The following INPP4B variants were observed in gnomAD, a reference collection of about 807,000 sequenced individuals.
The protein encoded by INPP4B is inositol polyphosphate 4-phosphatase type II.
Under a neutral mutation model 122.5 loss-of-function variants are expected in INPP4B, and 55 were observed. The ratio of observed to expected loss-of-function variants is 0.45; its 90% CI spans 0.36 to 0.56. The LOEUF is 0.56. Among genes scored for constraint, INPP4B ranks in the 20% least tolerant of loss-of-function variants. INPP4B has a pLI of 0.00. For missense variants in INPP4B, 1,000 were observed against 1,097.7 expected (o/e 0.91, Z 1.26); for synonymous variants, 403 against 388.7 (o/e 1.04, Z -0.43).
intron 2 of INPP4B, among the ~76,000 whole-genome samples, chr4:142,692,442 T>G (rs1760325504): frequency 6.6e-6 from 1 of 152,218 alleles, no homozygotes; most frequent in Non-Finnish European, 1.5e-5. Flanking sequence ...GGCTCATGCC[T>G]GTAACCCTAG....
At chr4:142,654,931 G>T (rs1753843105) in intron 2 of INPP4B, among the ~76,000 whole-genome samples, 1 of 152,052 alleles carries the variant, frequency 6.6e-6, no homozygotes, top group African/African-American at 2.4e-5. Context: ...CACCCATGGG[G>T]GATAAGATGT....
chr4:142,287,979 G>A (rs1225518468), intron 9 of INPP4B, among the ~76,000 whole-genome samples: 2 of 152,166 alleles, frequency 1.3e-5, no homozygotes, highest in East Asian at 1.9e-4. Context: ...TCACATGGGA[G>A]GGAGAGAGTA....
intron 3 of INPP4B, among the ~76,000 whole-genome samples, chr4:142,434,806 T>A (rs904445733): frequency 6.6e-6 from 1 of 152,038 alleles, no homozygotes; most frequent in Non-Finnish European, 1.5e-5. Flanking sequence ...GGGTGTCCAA[T>A]CTTTTGGCTT....
chr4:142,735,716 T>C (rs980290063), intron 1 of INPP4B, among the ~76,000 whole-genome samples: 1 of 152,198 alleles, frequency 6.6e-6, no homozygotes, highest in Non-Finnish European at 1.5e-5. Context: ...CTCTATGTCT[T>C]ATTATTAGAA....
chr4:142,753,071 T>A (rs1403064426), intron 1 of INPP4B, among the ~76,000 whole-genome samples: 1 of 152,112 alleles, frequency 6.6e-6, no homozygotes, highest in African/African-American at 2.4e-5. Flanking sequence ...TGATAAAGCC[T>A]TTATTCTGAC....
chr4:142,723,978 A>T (rs890522729), intron 2 of INPP4B, among the ~76,000 whole-genome samples: 2 of 152,058 alleles, frequency 1.3e-5, no homozygotes, highest in Non-Finnish European at 2.9e-5. Context: ...TCAATATCTC[A>T]CTTCCAACCT....
chr4:142,385,746 ATTTT>A (rs919877205), intron 7 of INPP4B, among the ~76,000 whole-genome samples: 5 of 152,018 alleles, frequency 3.3e-5, no homozygotes, highest in African/African-American at 1.2e-4. Flanking sequence ...TTACTTGTGT[ATTTT>A]TTTATTTATT....
Position 142,105,268 on chromosome 4 carries a change from G to T in INPP4B, c.2374+2825C>A, listed in dbSNP as rs567623216. On this transcript the variant is annotated intron_variant, in intron 23 of 25. Coordinates refer to ENST00000262992, the MANE Select transcript of INPP4B (RefSeq NM_001101669.3). The stretch of plus-strand genomic sequence containing the variant: ...AACTGAGATTTTAAATAGTCTAAAA[G>T]CACTAGACCATGCTAAACATATTGA... 3.7e-4 allele frequency among the ~76,000 whole-genome samples: 56 copies of T among 152,226 alleles called. 1 individual carries two copies. In the South Asian group the frequency reaches 0.012, roughly 32 times the overall value.
intron 5 of INPP4B, among the ~76,000 whole-genome samples, chr4:142,413,270 C>T (rs893920602): frequency 2.0e-5 from 3 of 151,880 alleles, no homozygotes; most frequent in Non-Finnish European, 4.4e-5. Flanking sequence ...AGACAATACG[C>T]ATATAAGGGA....
chr4:142,654,843 T>C (rs1404909930), intron 2 of INPP4B, among the ~76,000 whole-genome samples: 1 of 152,200 alleles, frequency 6.6e-6, no homozygotes, highest in East Asian at 1.9e-4. Context: ...GCAGATCCTG[T>C]CTTCAAAATA....
At chr4:142,284,365 T>C (rs181045533) in intron 9 of INPP4B, among the ~76,000 whole-genome samples, 7 of 152,216 alleles carry the variant, frequency 4.6e-5, no homozygotes, top group Admixed American at 4.6e-4. Flanking sequence ...TGAGAAGAGA[T>C]AGAATCTAAA....
intron 1 of INPP4B, among the ~76,000 whole-genome samples, chr4:142,741,679 C>T (rs1026613205): frequency 6.6e-6 from 1 of 151,824 alleles, no homozygotes; most frequent in East Asian, 1.9e-4. Flanking sequence ...GGTACAACTT[C>T]AGAGAGGGAC....
chr4:142,768,563 G>A (rs545830769), intron 1 of INPP4B, among the ~76,000 whole-genome samples: 2 of 152,296 alleles, frequency 1.3e-5, no homozygotes, highest in African/African-American at 4.8e-5. Flanking sequence ...AGGCAGTGAA[G>A]GCATTGACTG....
At chr4:142,403,128 G>C in intron 6 of INPP4B, 74 bp from the exon 7 acceptor site, 1 of 798,930 alleles carries the variant, frequency 1.3e-6, no homozygotes, top group Non-Finnish European at 2.2e-6. Flanking sequence ...AGTGACACAT[G>C]AGAATGCAGA....
At chr4:142,441,784 C>G in intron 3 of INPP4B, among the ~76,000 whole-genome samples, 1 of 148,192 alleles carries the variant, frequency 6.7e-6, no homozygotes, top group Non-Finnish European at 1.5e-5. Flanking sequence ...TGATATTTCT[C>G]AAGCAGATAA....
At chr4:142,273,623 T>C (rs1466557737) in intron 9 of INPP4B, among the ~76,000 whole-genome samples, 1 of 151,966 alleles carries the variant, frequency 6.6e-6, no homozygotes, top group Non-Finnish European at 1.5e-5. Context: ...TGGCTACTTT[T>C]TCAATGATTT....
chr4:142,533,767 A>C (rs1827886496), intron 2 of INPP4B, among the ~76,000 whole-genome samples: 1 of 152,166 alleles, frequency 6.6e-6, no homozygotes, highest in Non-Finnish European at 1.5e-5. Context: ...AAAGTTGTGA[A>C]GGCAATTCAT....
intron 2 of INPP4B, among the ~76,000 whole-genome samples, chr4:142,710,422 T>G (rs1325434261): frequency 1.3e-5 from 2 of 152,210 alleles, no homozygotes; most frequent in Admixed American, 6.5e-5. Context: ...AGAAGCAATC[T>G]TTTATCCCTG....
chr4:142,062,071 A>G (rs143961862), intron 25 of INPP4B, among the ~76,000 whole-genome samples: 39 of 152,254 alleles, frequency 2.6e-4, no homozygotes, highest in African/African-American at 8.9e-4. Flanking sequence ...GTCAAACAAA[A>G]GTGATTCTTT....
Sources: gnomAD v4.1 joint callset for allele counts (sites outside exome capture counted in the v4.1 genomes callset) on GRCh38, gnomAD v4.1.1 for gene constraint, MANE v1.5 for transcripts, NCBI Gene and HGNC (gene_info 2026-07-23, HGNC 2026-07-21) for gene names.